Variants in USP6NL observed in about 807,000 individuals in gnomAD.
USP6NL encodes USP6 N-terminal-like protein.
In USP6NL, 26 loss-of-function variants were observed where a neutral mutation model predicts 61.9. The ratio of observed to expected loss-of-function variants is 0.42; its 90% CI spans 0.31 to 0.58. USP6NL has a LOEUF of 0.58. USP6NL is among the 20% of genes least tolerant of loss of function. The pLI is 0.16. For synonymous variants in USP6NL, 432 were observed against 390.1 expected, an observed-to-expected ratio of 1.11 and a Z score of -1.27; for missense variants, 1,114 against 1,034.3, an observed-to-expected ratio of 1.08 and a Z score of -1.06.
Position 11,511,522 on chromosome 10 carries a change from T to C in USP6NL, c.196-1847A>G, listed in dbSNP as rs1380696846. Among the ~76,000 whole-genome samples the C allele has an allele frequency of 1.3e-5, 2 of 152,186 alleles. No individual in the cohort carries two copies. The highest frequency in any genetic ancestry group is 4.8e-5 in the African/African-American group (2 of 41,454). On this transcript the variant is annotated intron_variant, in intron 5 of 14. Coordinates refer to ENST00000609104, the MANE Select transcript of USP6NL (RefSeq NM_014688.5). The surrounding 1 kb of genome is among the most constrained non-coding windows in gnomAD (Gnocchi z 4.9). Reference sequence around the variant, plus strand: ...CCACCAACAGGAAAACACCAAATAATTCAAGCCAACCCAAGAGTATAACAA... The same window carrying C: ...CCACCAACAGGAAAACACCAAATAACTCAAGCCAACCCAAGAGTATAACAA...
intron 2 of USP6NL, among the ~76,000 whole-genome samples, chr10:11,566,974 C>A (rs1418757131): frequency 6.6e-6 from 1 of 152,168 alleles, no homozygotes; most frequent in African/African-American, 2.4e-5. Context: ...ATTAGCCAGG[C>A]ACGGTGGCGC....
rs1332718909 is a variant in USP6NL, at chr10:11,585,002, G to C, written c.4+12629C>G. Among the ~76,000 whole-genome samples, 1 of 152,076 alleles carries C rather than the reference G, an allele frequency of 6.6e-6. No homozygotes were observed. The highest frequency in any genetic ancestry group is 1.5e-5 in the Non-Finnish European group (1 of 68,000). ...CCAATAAATATATAAAAGCTACACT[G>C]CTTCATAATAAATTTTTGGAAGGTG... On this transcript the variant is annotated intron_variant, in intron 2 of 14. Coordinates refer to ENST00000609104, the MANE Select transcript of USP6NL (RefSeq NM_014688.5). This position sits in a 1 kb window ranked among gnomAD's most constrained non-coding sequence, Gnocchi z 4.5.
intron 4 of USP6NL, among the ~76,000 whole-genome samples, chr10:11,524,604 A>G (rs1835346153): frequency 6.6e-6 from 1 of 152,236 alleles, no homozygotes; most frequent in African/African-American, 2.4e-5. Context: ...ATTACTGTGA[A>G]CTATACAAAA....
In USP6NL at chr10:11,589,181, T is replaced by C. The variant is rs1391432991; in HGVS notation, c.4+8450A>G. Among the ~76,000 whole-genome samples, 1 of 152,202 alleles carries C rather than the reference T, an allele frequency of 6.6e-6. No individual in the cohort carries two copies. The highest frequency in any genetic ancestry group is 1.5e-5 in the Non-Finnish European group (1 of 68,028). On this transcript the variant is annotated intron_variant, in intron 2 of 14. Coordinates refer to ENST00000609104, the MANE Select transcript of USP6NL (RefSeq NM_014688.5). The surrounding 1 kb of genome is among the most constrained non-coding windows in gnomAD (Gnocchi z 4.7). Reference sequence around the variant, plus strand: ...TAGGTCACATCTGTCAGCAGAAACGTTTTTTATAATAAAGCATGCCAACAA... The same window carrying C: ...TAGGTCACATCTGTCAGCAGAAACGCTTTTTATAATAAAGCATGCCAACAA...
intron 2 of USP6NL, among the ~76,000 whole-genome samples, chr10:11,580,288 AGATAAATCAAAAT>A (rs1837708574): frequency 6.6e-6 from 1 of 152,220 alleles, no homozygotes; most frequent in African/African-American, 2.4e-5. Context: ...TTTCCTAATT[AGATAAATCAAAAT>A]CATGATCTCC....
rs1490986664 is a variant in USP6NL, at chr10:11,481,054, C to T, written c.1078+716G>A. 1.3e-5 allele frequency among the ~76,000 whole-genome samples: 2 copies of T among 152,138 alleles called. No individual in the cohort carries two copies. The highest frequency in any genetic ancestry group is 1.3e-4 in the Admixed American group (2 of 15,274). Reference sequence around the variant, plus strand: ...CCTCTCCCATTTACCCTGCGGCTAGCTCTAGTAATGCCCCATTCACCCTCT... The same window carrying T: ...CCTCTCCCATTTACCCTGCGGCTAGTTCTAGTAATGCCCCATTCACCCTCT... On this transcript the variant is annotated intron_variant, in intron 14 of 14. Coordinates refer to ENST00000609104, the MANE Select transcript of USP6NL (RefSeq NM_014688.5). This position sits in a 1 kb window ranked among gnomAD's most constrained non-coding sequence, Gnocchi z 4.4.
rs1206157316 is a variant in USP6NL at position 11,528,305 on chromosome 10, A to G, written c.5-738T>C. 8.8e-6 allele frequency among the ~76,000 whole-genome samples: 1 copy of G among 114,074 alleles called. No individual in the cohort carries two copies. The highest frequency in any genetic ancestry group is 2.1e-5 in the Non-Finnish European group (1 of 47,458). The allele number at this position is 114,074 out of a possible 152,430, so 74.8% of individuals were successfully genotyped here. A position where few individuals can be genotyped will look rare whatever the true frequency, so the allele number is the denominator to read the frequency against. On this transcript the variant is annotated intron_variant, in intron 2 of 14. Coordinates refer to ENST00000609104, the MANE Select transcript of USP6NL (RefSeq NM_014688.5). The surrounding 1 kb of genome is among the most constrained non-coding windows in gnomAD (Gnocchi z 4.6). The stretch of plus-strand genomic sequence containing the variant: ...GACTATATAAAAGGCTTCTCTTACC[A>G]AAAAAAAAAAGCATTCTAAGAGAAA...
At chr10:11,571,188 A>C (rs1341813605) in intron 2 of USP6NL, among the ~76,000 whole-genome samples, 1 of 151,532 alleles carries the variant, frequency 6.6e-6, no homozygotes, top group East Asian at 1.9e-4. Context: ...GGTTCAAGCG[A>C]TTCTCCTGCC....
chr10:11,507,978 T>C (rs889599009), intron 6 of USP6NL, among the ~76,000 whole-genome samples: 1 of 152,228 alleles, frequency 6.6e-6, no homozygotes, highest in Non-Finnish European at 1.5e-5. Context: ...CTACTGCTTC[T>C]GTGGAACTAG....
intron 2 of USP6NL, among the ~76,000 whole-genome samples, chr10:11,527,968 T>C (rs1203556569): frequency 1.3e-5 from 2 of 152,152 alleles, no homozygotes; most frequent in Admixed American, 6.5e-5. Flanking sequence ...CTCCACAAAA[T>C]AAACTAGCAC....
intron 6 of USP6NL, among the ~76,000 whole-genome samples, chr10:11,501,476 C>T (rs931014964): frequency 4.5e-4 from 68 of 152,172 alleles, no homozygotes; most frequent in African/African-American, 1.5e-3. Flanking sequence ...ACGGAAGTGT[C>T]CCTTAAGTGG....
rs549550898 is a variant in USP6NL at position 11,513,973 on chromosome 10, G to C, written c.196-4298C>G. 1.3e-5 allele frequency among the ~76,000 whole-genome samples: 2 copies of C among 152,262 alleles called. No individual in the cohort carries two copies. The highest frequency in any genetic ancestry group is 4.8e-5 in the African/African-American group (2 of 41,548). On this transcript the variant is annotated intron_variant, in intron 5 of 14. Coordinates refer to ENST00000609104, the MANE Select transcript of USP6NL (RefSeq NM_014688.5). The surrounding 1 kb of genome is among the most constrained non-coding windows in gnomAD (Gnocchi z 4.7). ...GATTGGCTCCTCTGGATTTCAGCAG[G>C]ATTATCACCCCATTATGTTGTCTTT... is the stretch of plus-strand genomic sequence containing the variant.
intron 1 of USP6NL, among the ~76,000 whole-genome samples, chr10:11,606,401 G>A (rs1057003110): frequency 5.3e-5 from 8 of 152,184 alleles, no homozygotes; most frequent in East Asian, 1.9e-4. Flanking sequence ...GTCAGGTAAT[G>A]TAAGAAAGAA....
chr10:11,485,687 A>T lies in USP6NL; in HGVS notation c.759+130T>A, dbSNP rs993657742. 1.6e-6 allele frequency: 1 copy of T among 631,434 alleles called. No homozygotes were observed. Among genetic ancestry groups the T allele is most frequent in the East Asian group, 3.0e-5 (1 of 33,006 alleles). The allele number at this position is 631,434 out of a possible 1,614,324, so 39.1% of individuals were successfully genotyped here. On this transcript the variant is annotated intron_variant, in intron 11 of 14. Coordinates refer to ENST00000609104, the MANE Select transcript of USP6NL (RefSeq NM_014688.5). The surrounding 1 kb of genome is among the most constrained non-coding windows in gnomAD (Gnocchi z 4.8). ...AATGGTTTGTAAACAACTGGGAATT[A>T]TAACTGCATAGTAAATGAAATGGAT... is the stretch of plus-strand genomic sequence containing the variant.
rs1035168418 is a variant in USP6NL, at chr10:11,520,736, C to A, written c.156-2162G>T. ...GCATTTTTGTAACGTTTTAATGGAA[C>A]GCTGTCACACTCTGCCATGAATGTA... On this transcript the variant is annotated intron_variant, in intron 4 of 14. Transcript: ENST00000609104. The surrounding 1 kb of genome is among the most constrained non-coding windows in gnomAD (Gnocchi z 5.2). Among the ~76,000 whole-genome samples, 6 of 152,202 alleles carry A rather than the reference C, an allele frequency of 3.9e-5. No homozygotes were observed. Among genetic ancestry groups the A allele is most frequent in the Non-Finnish European group, 1.5e-5 (1 of 68,030 alleles).
intron 2 of USP6NL, among the ~76,000 whole-genome samples, chr10:11,533,762 G>T (rs1835740134): frequency 6.6e-6 from 1 of 152,180 alleles, no homozygotes; most frequent in Non-Finnish European, 1.5e-5. Flanking sequence ...CAAGTTTGTG[G>T]TAAGTCATGT....
intron 2 of USP6NL, among the ~76,000 whole-genome samples, chr10:11,551,671 CCTCT>C (rs1317747073): frequency 1.3e-5 from 2 of 152,176 alleles, no homozygotes; most frequent in South Asian, 2.1e-4. Flanking sequence ...CAAACTCAGG[CCTCT>C]CTGACTCTAA....
At chr10:11,571,375 C>A (rs529046398) in intron 2 of USP6NL, among the ~76,000 whole-genome samples, 1 of 152,080 alleles carries the variant, frequency 6.6e-6, no homozygotes, top group Admixed American at 6.5e-5. Flanking sequence ...CATAAGCCAC[C>A]GCGCCCAGCC....
At chr10:11,508,081 T>C (rs1034503715) in intron 6 of USP6NL, among the ~76,000 whole-genome samples, 3 of 152,190 alleles carry the variant, frequency 2.0e-5, no homozygotes, top group Non-Finnish European at 2.9e-5. Context: ...AAAGAAAGGA[T>C]TATACTGAAA....
Sources: gnomAD v4.1 joint callset for allele counts (sites outside exome capture counted in the v4.1 genomes callset) on GRCh38, gnomAD v4.1.1 for gene constraint, Gnocchi (gnomAD v3.1) non-coding constraint, MANE v1.5 for transcripts, NCBI Gene and HGNC (gene_info 2026-07-23, HGNC 2026-07-21) for gene names.